Variants in ZNF525 observed in about 807,000 individuals in gnomAD.
ZNF525 encodes the protein zinc finger protein 525.
In ZNF525, 33 loss-of-function variants were observed where a neutral mutation model predicts 37.6. The ratio of observed to expected loss-of-function variants is 0.88; its 90% CI spans 0.67 to 1.17. The LOEUF (loss-of-function observed/expected upper bound fraction) is 1.17. ZNF525 is among the 50% of genes most tolerant of loss of function. The pLI is 0.00. For synonymous variants in ZNF525, 170 were observed against 182.3 expected, an observed-to-expected ratio of 0.93 and a Z score of 0.54; for missense variants, 449 against 543.1, an observed-to-expected ratio of 0.83 and a Z score of 1.72.
chr19:53,383,004 A>T lies in ZNF525; in HGVS notation c.*985A>T. On this transcript the variant is annotated 3_prime_UTR_variant, in exon 4 of 4. Coordinates refer to ENST00000474037, the MANE Select transcript of ZNF525 (RefSeq NM_001348156.2). The stretch of plus-strand genomic sequence containing the variant: ...CCTTACAAGTGTAATGAATGTGGCA[A>T]GGTTTTTAATCGCAAAGCAAAGCTT... 2 of 1,512,664 alleles carry T rather than the reference A, an allele frequency of 1.3e-6. No homozygotes were observed. Among genetic ancestry groups the T allele is most frequent in the South Asian group, 2.2e-5 (2 of 89,272 alleles). 93.7% of individuals were successfully genotyped at this position (1,512,664 alleles called of 1,614,324 possible). A position where few individuals can be genotyped will look rare whatever the true frequency, so the allele number is the denominator to read the frequency against.
rs760968594 is a variant in ZNF525, at chr19:53,381,961, A to G, written c.1382A>G (p.His461Arg). Residue 461 changes from histidine to arginine, a missense_variant, in exon 4 of 4, where the codon CAT becomes CGT. His to Arg is a conservative substitution (Grantham distance 29, BLOSUM62 0). This residue lies in a region of ZNF525 where 178 missense variants were observed against 161.5 expected (regional missense o/e 1.10). Coordinates refer to ENST00000474037, the MANE Select transcript of ZNF525 (RefSeq NM_001348156.2). ...ELSLTCHCRLHSGEKPCKCGE... is the reference protein window; with the variant it reads ...ELSLTCHCRLRSGEKPCKCGE... ...TCCCTTACCTGCCATTGTAGACTTCATAGTGGAGAGAAACCTTGCAAGTGT... is the reference window on the plus strand; with the variant it reads ...TCCCTTACCTGCCATTGTAGACTTCGTAGTGGAGAGAAACCTTGCAAGTGT... 1 of 1,022,108 alleles carries G rather than the reference A, an allele frequency of 9.8e-7. No individual in the cohort carries two copies. The highest frequency in any genetic ancestry group is 2.4e-5 in the East Asian group (1 of 42,220). The allele number at this position is 1,022,108 out of a possible 1,614,324, so 63.3% of individuals were successfully genotyped here. A position where few individuals can be genotyped will look rare whatever the true frequency, so the allele number is the denominator to read the frequency against.
intron 1 of ZNF525, among the ~76,000 whole-genome samples, chr19:53,368,767 T>C (rs539748334): frequency 1.2e-4 from 19 of 152,178 alleles, no homozygotes; most frequent in African/African-American, 4.6e-4. Flanking sequence ...GCTGGGTAGG[T>C]GTGTGTGGAG....
chr19:53,370,608 G>A (rs1012378120), intron 1 of ZNF525, among the ~76,000 whole-genome samples: 4 of 152,012 alleles, frequency 2.6e-5, no homozygotes, highest in African/African-American at 9.7e-5. Flanking sequence ...GCATGTCTGG[G>A]TGTGGCTTTT....
Position 53,383,278 on chromosome 19 carries a change from C to T in ZNF525, c.*1259C>T. ...GCAAAACCTTCCATCACAATTCAGT[C>T]CTTGTAATTCATAAAACAATTCATA... On this transcript the variant is annotated 3_prime_UTR_variant, in exon 4 of 4. Transcript: ENST00000474037. 1 of 1,422,196 alleles carries T rather than the reference C, an allele frequency of 7.0e-7. No individual in the cohort carries two copies. The highest frequency in any genetic ancestry group is 1.1e-5 in the South Asian group (1 of 87,460). 88.1% of individuals were successfully genotyped at this position (1,422,196 alleles called of 1,614,324 possible). A position where few individuals can be genotyped will look rare whatever the true frequency, so the allele number is the denominator to read the frequency against.
In ZNF525 at chr19:53,375,876, A is replaced by G. The variant is rs1162554319; in HGVS notation, c.122A>G (p.Tyr41Cys). 1.2e-6 allele frequency: 2 copies of G among 1,613,878 alleles called. No homozygotes were observed. Among genetic ancestry groups the G allele is most frequent in the East Asian group, 2.2e-5 (1 of 44,874 alleles). ...TLYRDVMLEN[Y>C]RNLVSLGISS... ...TACAGGGACGTGATGCTGGAGAATTATAGGAACCTGGTCTCCCTGGGTGAG... is the reference window on the plus strand; with the variant it reads ...TACAGGGACGTGATGCTGGAGAATTGTAGGAACCTGGTCTCCCTGGGTGAG... Residue 41 changes from tyrosine (Y) to cysteine (C), a missense_variant, in exon 3 of 4, where the codon TAT becomes TGT. By Grantham distance (194) the Tyr-to-Cys change is radical (BLOSUM62 -2). Coordinates refer to ENST00000474037, the MANE Select transcript of ZNF525 (RefSeq NM_001348156.2).
At position 53,386,480 on chromosome 19, in the gene ZNF525, A is replaced by T; in HGVS notation, c.*4461A>T. The T allele has an allele frequency of 1.5e-6, 1 of 648,382 alleles. No individual in the cohort carries two copies. The highest frequency in any genetic ancestry group is 2.8e-6 in the Non-Finnish European group (1 of 355,920). 40.2% of individuals were successfully genotyped at this position (648,382 alleles called of 1,614,324 possible). A position where few individuals can be genotyped will look rare whatever the true frequency, so the allele number is the denominator to read the frequency against. On this transcript the variant is annotated 3_prime_UTR_variant, in exon 4 of 4. Coordinates refer to ENST00000474037, the MANE Select transcript of ZNF525 (RefSeq NM_001348156.2). ...AGCTGAAAATGTCACCACTATCTGG[A>T]CAGTTGGACATGTTTTATTGGGAAT... is the stretch of plus-strand genomic sequence containing the variant.
intron 2 of ZNF525, 84 bp from the exon 3 acceptor site, chr19:53,375,686 C>T: frequency 6.2e-7 from 1 of 1,612,378 alleles, no homozygotes; most frequent in East Asian, 2.2e-5. Flanking sequence ...TAAATCCATG[C>T]TTTCCCCTCT....
rs111817845 is a variant in ZNF525 at position 53,381,202 on chromosome 19, T to C, written c.623T>C (p.Val208Ala). Residue 208 changes from valine to alanine, a missense_variant, in exon 4 of 4, where the codon GTA (valine) becomes GCA (alanine). Val to Ala is a moderately conservative substitution (Grantham distance 64, BLOSUM62 0). Transcript: ENST00000474037. ...TCATTACTCACACAAAGACAGGAAG[T>C]ACGCATGAGAGAAAAATCTTTCCAA... ...NYSLLTQRQE[V>A]RMREKSFQCI... 4,377 of 1,343,592 alleles carry C rather than the reference T, an allele frequency of 3.3e-3. 10 individuals carry two copies. The highest frequency in any genetic ancestry group is 4.0e-3 in the Non-Finnish European group (3,753 of 933,372). The allele number at this position is 1,343,592 out of a possible 1,614,324, so 83.2% of individuals were successfully genotyped here. A position where few individuals can be genotyped will look rare whatever the true frequency, so the allele number is the denominator to read the frequency against.
intron 1 of ZNF525, among the ~76,000 whole-genome samples, chr19:53,366,048 T>C (rs2085440735): frequency 6.6e-6 from 1 of 152,178 alleles, no homozygotes; most frequent in Non-Finnish European, 1.5e-5. Flanking sequence ...CCGCGCTTTT[T>C]AAAGTCCTCA....
intron 3 of ZNF525, among the ~76,000 whole-genome samples, chr19:53,380,178 C>A (rs1255864968): frequency 6.6e-6 from 1 of 151,614 alleles, no homozygotes; most frequent in Non-Finnish European, 1.5e-5. Context: ...GCAACCTCTG[C>A]CTCTTGGGTT....
At chr19:53,370,864 A>G (rs187436167) in intron 1 of ZNF525, among the ~76,000 whole-genome samples, 245 of 151,992 alleles carry the variant, frequency 1.6e-3, no homozygotes, top group Non-Finnish European at 2.7e-3. Context: ...CAAAAGCCCA[A>G]CTCCTCACTG....
Position 53,375,267 on chromosome 19 carries a change from C to G in ZNF525, c.16-503C>G, listed in dbSNP as rs116462754. 3.0e-3 allele frequency among the ~76,000 whole-genome samples: 458 copies of G among 152,264 alleles called. 2 individuals are homozygous for G. The highest frequency in any genetic ancestry group is 0.01 in the African/African-American group (434 of 41,542). On this transcript the variant is annotated intron_variant, in intron 2 of 3. Transcript: ENST00000474037. ...ACTCATACTCTGTCTCATCTAGATA[C>G]TGAATGTCACTTAGTGTGTCAACAA... is the stretch of plus-strand genomic sequence containing the variant.
chr19:53,385,456 C>T lies in ZNF525; in HGVS notation c.*3437C>T, dbSNP rs561823125. On this transcript the variant is annotated 3_prime_UTR_variant, in exon 4 of 4. Transcript: ENST00000474037. ...ATCCCAGCATTTTCAGAGGCTGAGA[C>T]AGGTGGGCCACATGAGCCCAGGTAT... 1 of 153,468 alleles carries T rather than the reference C, an allele frequency of 6.5e-6. No homozygotes were observed. Among genetic ancestry groups the T allele is most frequent in the South Asian group, 2.0e-4 (1 of 4,900 alleles). The allele number at this position is 153,468 out of a possible 1,614,324, so 9.5% of individuals were successfully genotyped here.
chr19:53,369,949 C>T (rs1265758808), intron 1 of ZNF525, among the ~76,000 whole-genome samples: 1 of 147,630 alleles, frequency 6.8e-6, no homozygotes, highest in Non-Finnish European at 1.5e-5. Flanking sequence ...TGGTCTCGAT[C>T]TCCTGACCTC....
At chr19:53,375,955 C>CTTT in intron 3 of ZNF525, 59 bp downstream of exon 3, 1 of 1,610,974 alleles carries the variant, frequency 6.2e-7, no homozygotes, top group Admixed American at 1.7e-5. Flanking sequence ...TGTATTTTCT[C>CTTT]TTTTTTTAGA....
intron 2 of ZNF525, 126 bp downstream of exon 2, chr19:53,372,422 C>T: frequency 2.7e-6 from 2 of 745,510 alleles, no homozygotes; most frequent in Non-Finnish European, 2.5e-6. Flanking sequence ...CCCATGCCTT[C>T]CCTCAGTCCC....
rs1260411465 is a variant in ZNF525 at position 53,381,218 on chromosome 19, AT to A, written c.640del (p.Ser214LeufsTer17). On this transcript the variant is annotated frameshift_variant, in exon 4 of 4. Transcript: ENST00000474037. LOFTEE classifies it high-confidence loss of function. ...QRQEVRMREK[S>X]FQCIESGKAF... ...GACAGGAAGTACGCATGAGAGAAAAATCTTTCCAATGTATTGAGAGTGGCAA... is the reference window on the plus strand; with the variant it reads ...GACAGGAAGTACGCATGAGAGAAAAACTTTCCAATGTATTGAGAGTGGCAA... 1 of 1,346,980 alleles carries A rather than the reference AT, an allele frequency of 7.4e-7. No homozygotes were observed. The highest frequency in any genetic ancestry group is 1.2e-5 in the South Asian group (1 of 85,534). 83.4% of individuals were successfully genotyped at this position (1,346,980 alleles called of 1,614,324 possible). A position where few individuals can be genotyped will look rare whatever the true frequency, so the allele number is the denominator to read the frequency against.
chr19:53,366,294 G>A (rs1312997083), intron 1 of ZNF525, among the ~76,000 whole-genome samples: 1 of 115,326 alleles, frequency 8.7e-6, no homozygotes, highest in Non-Finnish European at 2.2e-5. Flanking sequence ...CTGCGTTAGG[G>A]GAGGTGCCCG....
chr19:53,385,221 T>A lies in ZNF525; in HGVS notation c.*3202T>A, dbSNP rs1237181398. 4.2e-6 allele frequency: 2 copies of A among 474,214 alleles called. No homozygotes were observed. Among genetic ancestry groups the A allele is most frequent in the Admixed American group, 8.1e-5 (2 of 24,672 alleles). The allele number at this position is 474,214 out of a possible 1,614,324, so 29.4% of individuals were successfully genotyped here. ...TGGAAAAATACATATTATGAGAAAA[T>A]TGTGCATGAATTTCACAATTTTTGC... On this transcript the variant is annotated 3_prime_UTR_variant, in exon 4 of 4. Transcript: ENST00000474037.
Sources: gnomAD v4.1 joint callset for allele counts (sites outside exome capture counted in the v4.1 genomes callset) on GRCh38, gnomAD v4.1.1 for gene constraint, gnomAD v4.1.1 regional missense constraint, MANE v1.5 for transcripts, NCBI Gene and HGNC (gene_info 2026-07-23, HGNC 2026-07-21) for gene names.